ELP4: variants seen among roughly 807,000 people sequenced by gnomAD.
ELP4 encodes the protein elongator acetyltransferase complex subunit 4.
A neutral mutation model predicts 48.9 loss-of-function variants in ELP4; 51 were observed. The ratio of observed to expected loss-of-function variants is 1.04; its 90% CI spans 0.83 to 1.32. ELP4 has a LOEUF of 1.32. Ranked by LOEUF, ELP4 falls within the 40% of genes most tolerant of loss-of-function variation. ELP4 has a pLI of 0.00. For synonymous variants in ELP4, 210 were observed against 189.2 expected, an observed-to-expected ratio of 1.11 and a Z score of -0.90; for missense variants, 519 against 514.6, an observed-to-expected ratio of 1.01 and a Z score of -0.08.
At chr11:31,528,246 T>G (rs896471972) in intron 2 of ELP4, among the ~76,000 whole-genome samples, 2 of 152,090 alleles carry the variant, frequency 1.3e-5, no homozygotes, top group Non-Finnish European at 2.9e-5. Context: ...GGGAGCCATG[T>G]AGGAGCATAA....
intron 4 of ELP4, among the ~76,000 whole-genome samples, chr11:31,597,103 C>A (rs113484506): frequency 6.6e-6 from 1 of 152,032 alleles, no homozygotes; most frequent in Non-Finnish European, 1.5e-5. Context: ...TTCACGATTA[C>A]AAAAACATAT....
intron 9 of ELP4, among the ~76,000 whole-genome samples, chr11:31,781,606 C>A (rs1948379427): frequency 6.9e-6 from 1 of 144,476 alleles, no homozygotes; most frequent in South Asian, 2.3e-4. Context: ...TCAAGCAATT[C>A]TCCTGCCTCA....
At chr11:31,677,540 T>C (rs954597162) in intron 9 of ELP4, among the ~76,000 whole-genome samples, 1 of 152,196 alleles carries the variant, frequency 6.6e-6, no homozygotes, top group Non-Finnish European at 1.5e-5. Flanking sequence ...TGCTTTATAT[T>C]ATGTAGTACA....
At chr11:31,690,750 T>A (rs1946261907) in intron 9 of ELP4, among the ~76,000 whole-genome samples, 1 of 151,046 alleles carries the variant, frequency 6.6e-6, no homozygotes. Flanking sequence ...TAGTAATAGT[T>A]AAGGTTTCCT....
intron 3 of ELP4, among the ~76,000 whole-genome samples, chr11:31,570,464 AC>A (rs1267744215): frequency 7.5e-6 from 1 of 132,866 alleles, no homozygotes; most frequent in Non-Finnish European, 1.6e-5. Context: ...CATGTAATAT[AC>A]CTTTTTTTTT....
chr11:31,672,851 A>C (rs573268895), intron 9 of ELP4, among the ~76,000 whole-genome samples: 1 of 152,212 alleles, frequency 6.6e-6, no homozygotes, highest in East Asian at 1.9e-4. Flanking sequence ...AATTCAGTAA[A>C]ACAGTTATCA....
chr11:31,605,768 C>T (rs757133471), intron 5 of ELP4, among the ~76,000 whole-genome samples: 6 of 152,122 alleles, frequency 3.9e-5, no homozygotes, highest in East Asian at 1.9e-4. Context: ...CTCTCCCAGA[C>T]GTTTGAATAT....
chr11:31,699,696 A>G (rs1946480478), intron 9 of ELP4, among the ~76,000 whole-genome samples: 1 of 152,168 alleles, frequency 6.6e-6, no homozygotes, highest in Non-Finnish European at 1.5e-5. Context: ...TTACTAAGGG[A>G]TGACATGACA....
At chr11:31,565,133 G>GTGAGCATTTTT (rs1957088298) in intron 3 of ELP4, among the ~76,000 whole-genome samples, 1 of 152,132 alleles carries the variant, frequency 6.6e-6, no homozygotes, top group Non-Finnish European at 1.5e-5. Context: ...GCCAGTGATG[G>GTGAGCATTTTT]TGAGCATTTT....
intron 9 of ELP4, chr11:31,663,014 T>A (rs1394663091): frequency 6.5e-6 from 1 of 154,188 alleles, no homozygotes; most frequent in Non-Finnish European, 1.4e-5. Flanking sequence ...TCTTAACCAT[T>A]AGTACTAATT....
intron 3 of ELP4, among the ~76,000 whole-genome samples, chr11:31,542,430 G>A (rs760484767): frequency 6.6e-6 from 1 of 152,296 alleles, no homozygotes; most frequent in Non-Finnish European, 1.5e-5. Context: ...CGAGGAGATG[G>A]CCTGAGGCTA....
Position 31,679,994 on chromosome 11 carries a change from T to C in ELP4, c.1143+29773T>C, listed in dbSNP as rs1182349770. On this transcript the variant is annotated intron_variant, in intron 9 of 9. Coordinates refer to ENST00000640961, the MANE Select transcript of ELP4 (RefSeq NM_019040.5). ...TTGTCTTTTACAGTTTAGATTTTCC[T>C]ACTCTTTTGGTATTGGTCCCTGTGG... Among the ~76,000 whole-genome samples, 6 of 152,324 alleles carry C rather than the reference T, an allele frequency of 3.9e-5. No homozygotes were observed. The East Asian group carries it at 1.2e-3, about 29-fold the overall frequency.
At chr11:31,623,390 T>TATATA (rs67986763) in intron 5 of ELP4, among the ~76,000 whole-genome samples, 2 of 92,610 alleles carry the variant, frequency 2.2e-5, no homozygotes, top group East Asian at 3.2e-4. Flanking sequence ...TATATATATA[T>TATATA]AAAACTAGAA....
chr11:31,698,312 CTTTTATG>C (rs887928837), intron 9 of ELP4, among the ~76,000 whole-genome samples: 3 of 152,040 alleles, frequency 2.0e-5, no homozygotes, highest in African/African-American at 7.2e-5. Context: ...TCTTTCAAAC[CTTTTATG>C]TTTTATTTAT....
chr11:31,628,795 C>T (rs1944800622), intron 6 of ELP4, among the ~76,000 whole-genome samples: 1 of 151,954 alleles, frequency 6.6e-6, no homozygotes, highest in African/African-American at 2.4e-5. Context: ...GTTTTCTTAT[C>T]TTTAAATTAA....
intron 9 of ELP4, among the ~76,000 whole-genome samples, chr11:31,770,224 G>A (rs956131518): frequency 2.0e-5 from 3 of 152,284 alleles, no homozygotes; most frequent in South Asian, 4.2e-4. Flanking sequence ...AGCAGTTGGA[G>A]ACCAGCAAAA....
At chr11:31,657,905 T>G (rs1348586009) in intron 9 of ELP4, among the ~76,000 whole-genome samples, 1 of 152,066 alleles carries the variant, frequency 6.6e-6, no homozygotes, top group African/African-American at 2.4e-5. Context: ...CTAGGACTAC[T>G]GCAAGTGCTT....
intron 9 of ELP4, among the ~76,000 whole-genome samples, chr11:31,753,800 CATT>C (rs1311228571): frequency 6.6e-6 from 1 of 151,860 alleles, no homozygotes; most frequent in Non-Finnish European, 1.5e-5. Context: ...TGTAAAATAA[CATT>C]ATTCATTATT....
chr11:31,743,434 C>T (rs566923928), intron 9 of ELP4, among the ~76,000 whole-genome samples: 188 of 152,302 alleles, frequency 1.2e-3, no homozygotes, highest in African/African-American at 4.3e-3. Flanking sequence ...CCCAAATCAA[C>T]AGAATATACA....
Sources: allele counts gnomAD v4.1 joint callset (sites outside exome capture counted in the v4.1 genomes callset), GRCh38; gene constraint gnomAD v4.1.1; transcripts MANE v1.5; gene names NCBI Gene and HGNC (gene_info 2026-07-23, HGNC 2026-07-21).